The following SLC35D2 variants were observed in gnomAD, a reference collection of about 807,000 sequenced individuals.
SLC35D2 encodes solute carrier family 35 member D2.
SLC35D2 carries 43 observed loss-of-function variants against 41.8 expected under a neutral mutation model. That is an observed-to-expected ratio of 1.03 (90% CI 0.81 to 1.33). SLC35D2 has a LOEUF of 1.33. Among genes scored for constraint, SLC35D2 ranks in the 40% most tolerant of loss-of-function variants. SLC35D2 has a pLI of 0.00. For missense variants in SLC35D2, 380 were observed against 408.4 expected (o/e 0.93, Z 0.60); for synonymous variants, 150 against 163.9 (o/e 0.92, Z 0.65).
chr9:96,366,928 G>A (rs138754908), intron 2 of SLC35D2, among the ~76,000 whole-genome samples: 1 of 151,536 alleles, frequency 6.6e-6, no homozygotes, highest in African/African-American at 2.4e-5. Flanking sequence ...TAATCAGAAT[G>A]ATGTTTATTT....
At position 96,345,509 on chromosome 9, in the gene SLC35D2, A is replaced by G. The variant is rs1829535655; in HGVS notation, c.489-108T>C. 3 of 682,260 alleles carry G rather than the reference A, an allele frequency of 4.4e-6. No homozygotes were observed. In the East Asian group the frequency reaches 8.5e-5, roughly 19 times the overall value. The allele number at this position is 682,260 out of a possible 1,614,324, so 42.3% of individuals were successfully genotyped here. A position where few individuals can be genotyped will look rare whatever the true frequency, so the allele number is the denominator to read the frequency against. ...AATCAAACCCACTTTTCTGTGGCAC[A>G]CTTTCCCCGCTTTGTGGTAGTGAAT... On this transcript the variant is annotated intron_variant, in intron 6 of 11. Transcript: ENST00000253270.
At chr9:96,326,990 T>A (rs1828565360) in intron 9 of SLC35D2, among the ~76,000 whole-genome samples, 1 of 152,008 alleles carries the variant, frequency 6.6e-6, no homozygotes, top group Non-Finnish European at 1.5e-5. Context: ...GAGGGGACCA[T>A]CCCATCCACA....
chr9:96,362,504 T>C (rs35667087), intron 3 of SLC35D2, among the ~76,000 whole-genome samples: 3,977 of 148,612 alleles, frequency 0.027, 77 homozygotes, highest in Middle Eastern at 0.056. Context: ...CAAAACTCCA[T>C]CTCAAAAAAG....
Position 96,346,122 on chromosome 9 carries a change from G to A in SLC35D2, c.489-721C>T, listed in dbSNP as rs567492999. On this transcript the variant is annotated intron_variant, in intron 6 of 11. Transcript: ENST00000253270. The stretch of plus-strand genomic sequence containing the variant: ...ATTCAGAAATACACATTGCCAGGGA[G>A]GAAAACCTTTTCCTGTACCCTCTTA... 3.9e-5 allele frequency among the ~76,000 whole-genome samples: 6 copies of A among 152,270 alleles called. No individual in the cohort carries two copies. In the South Asian group the frequency reaches 1.0e-3, roughly 26 times the overall value.
downstream of SLC35D2, among the ~76,000 whole-genome samples, chr9:96,318,040 A>ATAATAATAAT (rs1587820600): frequency 6.6e-6 from 1 of 151,470 alleles, no homozygotes; most frequent in East Asian, 1.9e-4. Flanking sequence ...TGTCTCAAAA[A>ATAATAATAAT]AAAAAAAAGT....
In SLC35D2 at chr9:96,344,014, T is replaced by A; in HGVS notation, c.592-18A>T. On this transcript the variant is annotated intron_variant, in intron 7 of 11. Coordinates refer to ENST00000253270, the MANE Select transcript of SLC35D2 (RefSeq NM_007001.3). The stretch of plus-strand genomic sequence containing the variant: ...CCTAGCTCCTGCAAAAACAAAAATG[T>A]AAAAACCACTCAGTTTCAGAAACGT... The A allele has an allele frequency of 6.6e-7, 1 of 1,518,414 alleles. No homozygotes were observed. The highest frequency in any genetic ancestry group is 9.0e-7 in the Non-Finnish European group (1 of 1,116,524). 94.1% of individuals were successfully genotyped at this position (1,518,414 alleles called of 1,614,324 possible).
At position 96,383,704 on chromosome 9, in the gene SLC35D2, G is replaced by A; in HGVS notation, c.-70C>T. On this transcript the variant is annotated 5_prime_UTR_variant, in exon 1 of 12. Coordinates refer to ENST00000253270, the MANE Select transcript of SLC35D2 (RefSeq NM_007001.3). ...GCACTGGTCCCGCCCGGCCGGGCCG[G>A]GGAAGAGGGCGCGGCAGGAACAGGA... 1.1e-6 allele frequency: 1 copy of A among 920,744 alleles called. No individual in the cohort carries two copies. The highest frequency in any genetic ancestry group is 4.9e-5 in the South Asian group (1 of 20,522). The allele number at this position is 920,744 out of a possible 1,614,324, so 57.0% of individuals were successfully genotyped here. A position where few individuals can be genotyped will look rare whatever the true frequency, so the allele number is the denominator to read the frequency against.
intron 1 of SLC35D2, among the ~76,000 whole-genome samples, chr9:96,377,860 G>A (rs1346677648): frequency 6.6e-6 from 1 of 152,206 alleles, no homozygotes; most frequent in Non-Finnish European, 1.5e-5. Context: ...GGCACATCCA[G>A]AGTCTCAACA....
intron 9 of SLC35D2, among the ~76,000 whole-genome samples, chr9:96,333,566 G>T (rs185653144): frequency 9.5e-5 from 14 of 147,188 alleles, no homozygotes; most frequent in African/African-American, 2.8e-4. Context: ...CCGCACTCCA[G>T]CCTGGGCGAC....
At chr9:96,377,716 T>C (rs1831015963) in intron 1 of SLC35D2, among the ~76,000 whole-genome samples, 1 of 151,932 alleles carries the variant, frequency 6.6e-6, no homozygotes, top group African/African-American at 2.4e-5. Flanking sequence ...GAGACCAGAG[T>C]AGACTGTGAC....
At chr9:96,367,095 C>T (rs940348336) in intron 2 of SLC35D2, among the ~76,000 whole-genome samples, 24 of 151,214 alleles carry the variant, frequency 1.6e-4, no homozygotes, top group Middle Eastern at 3.4e-3. Flanking sequence ...TGGCACGCAC[C>T]TGTAATCCCA....
chr9:96,355,762 C>T (rs1048029725), intron 4 of SLC35D2, among the ~76,000 whole-genome samples: 2 of 152,108 alleles, frequency 1.3e-5, no homozygotes, highest in Non-Finnish European at 2.9e-5. Flanking sequence ...CTCCAAAGTG[C>T]TGGGATTACA....
chr9:96,379,526 G>A (rs995251037), intron 1 of SLC35D2, among the ~76,000 whole-genome samples: 2 of 152,144 alleles, frequency 1.3e-5, no homozygotes, highest in African/African-American at 4.8e-5. Flanking sequence ...CAAAATGAAA[G>A]AGGAAAAAGT....
At chr9:96,361,044 A>G (rs1273892545) in intron 3 of SLC35D2, among the ~76,000 whole-genome samples, 1 of 152,142 alleles carries the variant, frequency 6.6e-6, no homozygotes, top group Non-Finnish European at 1.5e-5. Context: ...CACTCAGCCC[A>G]GATTAGCCAA....
At chr9:96,338,380 C>T (rs1340734075) in intron 8 of SLC35D2, among the ~76,000 whole-genome samples, 1 of 152,082 alleles carries the variant, frequency 6.6e-6, no homozygotes, top group Non-Finnish European at 1.5e-5. Context: ...CACTTCACTT[C>T]TCAAAAGGAT....
chr9:96,373,700 A>C (rs1253180976), intron 1 of SLC35D2, among the ~76,000 whole-genome samples: 1 of 151,534 alleles, frequency 6.6e-6, no homozygotes, highest in East Asian at 1.9e-4. Flanking sequence ...AAAAAAAAAA[A>C]AACAATTTGA....
At position 96,344,710 on chromosome 9, in the gene SLC35D2, CTGGGGG is replaced by C. The variant is rs1160912021; in HGVS notation, c.591+583_591+588del. On this transcript the variant is annotated intron_variant, in intron 7 of 11. Coordinates refer to ENST00000253270, the MANE Select transcript of SLC35D2 (RefSeq NM_007001.3). Reference sequence around the variant, plus strand: ...CATCCTCCGGGCTTCCTTGTAACAGCTGGGGGTGGGGGAGGGATGGGGGAGGGGGAG... The same window carrying C: ...CATCCTCCGGGCTTCCTTGTAACAGCTGGGGGAGGGATGGGGGAGGGGGAG... 7.9e-3 allele frequency among the ~76,000 whole-genome samples: 272 copies of C among 34,422 alleles called. 11 individuals are homozygous for C. The highest frequency in any genetic ancestry group is 0.031 in the African/African-American group (240 of 7,834). The allele number at this position is 34,422 out of a possible 152,430, so 22.6% of individuals were successfully genotyped here.
At chr9:96,356,583 A>G (rs939670257) in intron 4 of SLC35D2, among the ~76,000 whole-genome samples, 1 of 152,178 alleles carries the variant, frequency 6.6e-6, no homozygotes, top group African/African-American at 2.4e-5. Flanking sequence ...CTAGATAGAT[A>G]GCTGGCTGGG....
chr9:96,326,651 A>G (rs1828542200), intron 9 of SLC35D2, among the ~76,000 whole-genome samples: 1 of 151,928 alleles, frequency 6.6e-6, no homozygotes, highest in Non-Finnish European at 1.5e-5. Context: ...AAAATACAAA[A>G]AAAATTAGCC....
Sources: allele counts gnomAD v4.1 joint callset (sites outside exome capture counted in the v4.1 genomes callset), GRCh38; gene constraint gnomAD v4.1.1; transcripts MANE v1.5; gene names NCBI Gene and HGNC (gene_info 2026-07-23, HGNC 2026-07-21).